The following VPS13C variants were observed in gnomAD, a reference collection of about 807,000 sequenced individuals.
The protein encoded by VPS13C is vacuolar protein sorting 13 homolog C.
A neutral mutation model predicts 456.8 loss-of-function variants in VPS13C; 358 were observed. The ratio of observed to expected loss-of-function variants is 0.78; its 90% CI spans 0.72 to 0.86. The LOEUF (loss-of-function observed/expected upper bound fraction) is 0.86. Among genes scored for constraint, VPS13C ranks in the 40% least tolerant of loss-of-function variants. VPS13C has a pLI of 0.00. For missense variants in VPS13C, 4,818 were observed against 4,385.4 expected (o/e 1.10, Z -2.79); for synonymous variants, 1,578 against 1,486.7 (o/e 1.06, Z -1.41).
chr15:61,967,310 C>G, intron 29 of VPS13C, 58 bp downstream of exon 29: 1 of 1,428,078 alleles, frequency 7.0e-7, no homozygotes. Context: ...CATATTCTTC[C>G]TTCCAGAGAA....
intron 14 of VPS13C, 74 bp from the exon 15 acceptor site, chr15:62,007,553 T>C (rs1235030309): frequency 3.1e-6 from 4 of 1,302,182 alleles, no homozygotes; most frequent in East Asian, 2.7e-5. Flanking sequence ...CTTGACATTT[T>C]AGATCTTATG....
chr15:62,042,146 T>A (rs941019189), intron 2 of VPS13C, among the ~76,000 whole-genome samples: 2 of 152,170 alleles, frequency 1.3e-5, no homozygotes, highest in African/African-American at 4.8e-5. Flanking sequence ...ATTCCCAATA[T>A]ATTATTTACC....
intron 6 of VPS13C, among the ~76,000 whole-genome samples, chr15:62,025,703 A>G (rs1454281937): frequency 6.6e-6 from 1 of 152,126 alleles, no homozygotes; most frequent in East Asian, 1.9e-4. Flanking sequence ...AGCTCTTTAG[A>G]GAAAGTTTCT....
At chr15:62,012,647 T>C (rs921896156) in intron 11 of VPS13C, among the ~76,000 whole-genome samples, 11 of 151,908 alleles carry the variant, frequency 7.2e-5, no homozygotes, top group African/African-American at 1.7e-4. Context: ...CAGAAAATCA[T>C]CACAAATGTC....
At position 61,922,012 on chromosome 15, in the gene VPS13C, G is replaced by A; in HGVS notation, c.6997C>T (p.His2333Tyr). Reference protein sequence around the residue: ...TLQVHYYNEIHAVWEPLIERV... With the variant: ...TLQVHYYNEIYAVWEPLIERV... ...TCAATCAGTGGCTCCCAGACAGCAT[G>A]GATCTCATTGTAATAGTGCACCTGG... Residue 2333 changes from histidine to tyrosine, a missense_variant, in exon 55 of 85, where the codon CAT becomes TAT. By Grantham distance (83) the His-to-Tyr change is moderately conservative (BLOSUM62 2). Around this residue, in one of 3 missense-constraint regions of VPS13C, gnomAD observed 4,552 missense variants for 4,130.6 expected, o/e 1.10. Transcript: ENST00000644861. 2 of 1,613,488 alleles carry A rather than the reference G, an allele frequency of 1.2e-6. No homozygotes were observed. The highest frequency in any genetic ancestry group is 1.7e-6 in the Non-Finnish European group (2 of 1,179,634).
Position 61,882,665 on chromosome 15 carries a change from T to A in VPS13C, c.9555A>T (p.Ser3185=), listed in dbSNP as rs757628247. The part of the protein sequence containing the change: ...IRSPIKRDFL[S]GIQIEFKQSS... ...ACTGCTTAAATTCAATCTGAATTCCTGATAAAAAGTCTCGTTTAATAGGGC... is the reference window on the plus strand; with the variant it reads ...ACTGCTTAAATTCAATCTGAATTCCAGATAAAAAGTCTCGTTTAATAGGGC... Residue 3185 remains serine, a synonymous_variant, in exon 69 of 85, where the codon TCA becomes TCT. Coordinates refer to ENST00000644861, the MANE Select transcript of VPS13C (RefSeq NM_020821.3). 3 of 1,601,564 alleles carry A rather than the reference T, an allele frequency of 1.9e-6. No individual in the cohort carries two copies. The Admixed American group carries it at 5.1e-5, about 27-fold the overall frequency.
Position 61,931,083 on chromosome 15 carries a change from G to T in VPS13C, c.6038+7C>A. The stretch of plus-strand genomic sequence containing the variant: ...AATAATGTATTGCAAACTCAGAGCT[G>T]ACAAACCTCGATGTTGCTCTCTCAA... On this transcript the variant is annotated splice_region_variant and intron_variant, in intron 50 of 84. Transcript: ENST00000644861. 1 of 1,613,844 alleles carries T rather than the reference G, an allele frequency of 6.2e-7. No individual in the cohort carries two copies.
At chr15:61,993,595 T>C (rs1036440200) in intron 16 of VPS13C, among the ~76,000 whole-genome samples, 1 of 151,924 alleles carries the variant, frequency 6.6e-6, no homozygotes, top group African/African-American at 2.4e-5. Context: ...TTTCAAGGAA[T>C]TTAAAAATAA....
chr15:61,854,321 C>A lies in VPS13C; in HGVS notation c.*136G>T. 1.2e-6 allele frequency: 1 copy of A among 824,062 alleles called. No individual in the cohort carries two copies. Among genetic ancestry groups the A allele is most frequent in the Non-Finnish European group, 2.0e-6 (1 of 495,018 alleles). The allele number at this position is 824,062 out of a possible 1,614,324, so 51.0% of individuals were successfully genotyped here. ...ACTAAAAGGTGAAAAAACTAGAAAA[C>A]CCAATACTAGCTATTCCAGAAAACT... On this transcript the variant is annotated 3_prime_UTR_variant, in exon 85 of 85. Transcript: ENST00000644861.
chr15:61,982,524 T>C lies in VPS13C; in HGVS notation c.1964A>G (p.Asp655Gly). The change falls in exon 21 of 85, where the codon GAT becomes GGT. Residue 655 changes from aspartate (D) to glycine (G), a missense_variant. By Grantham distance (94) the Asp-to-Gly change is moderately conservative. Coordinates refer to ENST00000644861, the MANE Select transcript of VPS13C (RefSeq NM_020821.3). ...VEFFQSNKGL[D>G]LEQITSATLM... is the part of the protein sequence containing the mutation. ...TGTTGCTGATGTTATTTGCTCAAGA[T>C]CCAATCCCTTATTTGATTGAAAGAA... 6.2e-7 allele frequency: 1 copy of C among 1,610,514 alleles called. No homozygotes were observed.
At chr15:61,874,319 A>G (rs1396217454) in intron 77 of VPS13C, among the ~76,000 whole-genome samples, 1 of 152,072 alleles carries the variant, frequency 6.6e-6, no homozygotes, top group Non-Finnish European at 1.5e-5. Flanking sequence ...TCAAATAGCT[A>G]GAAGAGAGGG....
intron 67 of VPS13C, 31 bp from the exon 68 acceptor site, chr15:61,884,300 G>C (rs1374479544): frequency 6.2e-7 from 1 of 1,601,036 alleles, no homozygotes; most frequent in Non-Finnish European, 8.5e-7. Flanking sequence ...AATTAAATTA[G>C]CAATATGTAT....
At chr15:61,875,901 T>C (rs761680873) in intron 75 of VPS13C, 56 bp from the exon 76 acceptor site, 235 of 1,180,230 alleles carry the variant, frequency 2.0e-4, no homozygotes, top group Non-Finnish European at 2.7e-4. Context: ...AGAAACATCA[T>C]AATGAAATAG....
chr15:61,984,799 T>C (rs560359112), intron 19 of VPS13C, 58 bp downstream of exon 19: 3 of 1,541,446 alleles, frequency 1.9e-6, no homozygotes, highest in Admixed American at 1.9e-5. Flanking sequence ...ATAACACACA[T>C]TTTTTGCCTA....
At chr15:62,005,361 A>G in intron 15 of VPS13C, among the ~76,000 whole-genome samples, 1 of 151,586 alleles carries the variant, frequency 6.6e-6, no homozygotes, top group Middle Eastern at 3.2e-3. Context: ...TTTGTTTTCC[A>G]TTTGCTTGGT....
chr15:61,877,501 T>A (rs1169609321), intron 74 of VPS13C, among the ~76,000 whole-genome samples: 1 of 144,904 alleles, frequency 6.9e-6, no homozygotes, highest in South Asian at 2.2e-4. Context: ...AACAAACAAT[T>A]CTTCCACTGT....
chr15:61,886,013 T>C (rs755800622), intron 67 of VPS13C, among the ~76,000 whole-genome samples: 2 of 152,114 alleles, frequency 1.3e-5, no homozygotes, highest in South Asian at 2.1e-4. Context: ...TTGTTCTGAA[T>C]GTCTTCAATT....
chr15:62,008,234 A>C (rs570741916), intron 14 of VPS13C, among the ~76,000 whole-genome samples: 38 of 151,886 alleles, frequency 2.5e-4, no homozygotes, highest in Non-Finnish European at 4.1e-4. Flanking sequence ...CTGTCTCAAA[A>C]AAATAAAAAT....
intron 2 of VPS13C, among the ~76,000 whole-genome samples, chr15:62,042,693 T>C (rs2048278793): frequency 6.6e-6 from 1 of 151,978 alleles, no homozygotes; most frequent in African/African-American, 2.4e-5. Context: ...ACAAAATAAA[T>C]GTAAATAACC....
Sources: allele counts gnomAD v4.1 joint callset (sites outside exome capture counted in the v4.1 genomes callset), GRCh38; gene constraint gnomAD v4.1.1; regional missense constraint gnomAD v4.1.1; transcripts MANE v1.5; gene names NCBI Gene and HGNC (gene_info 2026-07-23, HGNC 2026-07-21).